Variants in ZNF678 observed in about 807,000 individuals in gnomAD.
ZNF678 encodes the protein zinc finger protein 678.
In ZNF678, 5 loss-of-function variants were observed where a neutral mutation model predicts 3.0. That is an observed-to-expected ratio of 1.69 (90% CI 0.88 to 3.56). The LOEUF (loss-of-function observed/expected upper bound fraction) is 3.56, where lower values mean the gene tolerates loss of function less well. ZNF678 is among the 30% of genes most tolerant of loss of function. The pLI is 0.00. For missense variants in ZNF678, 593 were observed against 605.0 expected (o/e 0.98, Z 0.21); for synonymous variants, 218 against 199.6 (o/e 1.09, Z -0.78).
chr1:227,626,330 A>C (rs980124143), intron 1 of ZNF678, among the ~76,000 whole-genome samples: 2 of 152,164 alleles, frequency 1.3e-5, no homozygotes, highest in African/African-American at 4.8e-5. Flanking sequence ...TGATGTATCC[A>C]AGATTCTACT....
rs1361737169 is a variant in ZNF678 at position 227,654,945 on chromosome 1, C to G, written c.695C>G (p.Thr232Ser). The G allele has an allele frequency of 1.9e-6, 3 of 1,612,618 alleles. No individual in the cohort carries two copies. Among genetic ancestry groups the G allele is most frequent in the Non-Finnish European group, 2.5e-6 (3 of 1,179,454 alleles). ...SNLTQHKRIH[T>S]GEKPYKCKEC... ...CTTACACAACATAAGAGAATTCATA[C>G]TGGAGAGAAACCCTACAAATGCAAA... Residue 232 changes from threonine to serine, a missense_variant, in exon 4 of 4, where the codon ACT becomes AGT. Physicochemically the swap from Thr to Ser is moderately conservative, Grantham distance 58. Coordinates refer to ENST00000343776, the MANE Select transcript of ZNF678 (RefSeq NM_001367909.1).
At chr1:227,620,437 TAC>T (rs1168846677) in intron 1 of ZNF678, among the ~76,000 whole-genome samples, 1 of 152,230 alleles carries the variant, frequency 6.6e-6, no homozygotes, top group African/African-American at 2.4e-5. Context: ...TCACCCAGTG[TAC>T]TCACCCTTTT....
intron 1 of ZNF678, among the ~76,000 whole-genome samples, chr1:227,628,119 A>G (rs1024091938): frequency 1.3e-5 from 2 of 152,180 alleles, no homozygotes; most frequent in African/African-American, 4.8e-5. Flanking sequence ...CCACACAGTA[A>G]GATCTCTTCC....
At chr1:227,646,341 A>G (rs1658954322) in intron 1 of ZNF678, among the ~76,000 whole-genome samples, 1 of 152,170 alleles carries the variant, frequency 6.6e-6, no homozygotes, top group South Asian at 2.1e-4. Flanking sequence ...AAAATATAGC[A>G]TCTACACTGG....
At chr1:227,650,581 C>T (rs974164742) in intron 2 of ZNF678, among the ~76,000 whole-genome samples, 5 of 152,108 alleles carry the variant, frequency 3.3e-5, no homozygotes, top group African/African-American at 9.7e-5. Flanking sequence ...GATAATATGA[C>T]ACTTTACAAT....
At chr1:227,563,825 G>T in intron 1 of ZNF678, 101 bp downstream of exon 1, 1 of 1,140,992 alleles carries the variant, frequency 8.8e-7, no homozygotes. Context: ...TGTGGGATCT[G>T]TCACCTCTGG....
downstream of ZNF678, among the ~76,000 whole-genome samples, chr1:227,677,851 A>G (rs1249130810): frequency 6.6e-6 from 1 of 152,250 alleles, no homozygotes; most frequent in East Asian, 1.9e-4. Context: ...CCCTTAAAGA[A>G]TAAACTACAT....
At chr1:227,647,414 G>C (rs1658986297) in intron 2 of ZNF678, among the ~76,000 whole-genome samples, 1 of 152,152 alleles carries the variant, frequency 6.6e-6, no homozygotes, top group African/African-American at 2.4e-5. Context: ...GAGCATGCCA[G>C]CAAGAGTCAT....
chr1:227,650,846 T>G lies in ZNF678; in HGVS notation c.-36-110T>G. 4 of 754,992 alleles carry G rather than the reference T, an allele frequency of 5.3e-6. No homozygotes were observed. The Admixed American group carries it at 1.1e-4, about 20-fold the overall frequency. The allele number at this position is 754,992 out of a possible 1,614,324, so 46.8% of individuals were successfully genotyped here. ...ACTGAGATTTTTGATTTATTTGTTA[T>G]GGCTTTCTACATATAAGATAATGTC... On this transcript the variant is annotated intron_variant, in intron 2 of 3. Transcript: ENST00000343776.
chr1:227,666,806 A>AGGATCTT (rs1659511152), downstream of ZNF678, among the ~76,000 whole-genome samples: 1 of 138,198 alleles, frequency 7.2e-6, no homozygotes, highest in Admixed American at 7.8e-5. Flanking sequence ...GTGCAATGGC[A>AGGATCTT]GGATCTTGGC....
At chr1:227,594,693 A>C (rs1400602647) in intron 1 of ZNF678, among the ~76,000 whole-genome samples, 1 of 152,210 alleles carries the variant, frequency 6.6e-6, no homozygotes, top group Non-Finnish European at 1.5e-5. Flanking sequence ...GTTTTTCTAT[A>C]ACATTTTCCT....
At chr1:227,618,565 C>G (rs1460045456) in intron 1 of ZNF678, among the ~76,000 whole-genome samples, 1 of 152,160 alleles carries the variant, frequency 6.6e-6, no homozygotes, top group Admixed American at 6.5e-5. Flanking sequence ...GTGGTCTCCT[C>G]TTGTGGGGAC....
At chr1:227,580,791 G>A (rs1571862698) in intron 1 of ZNF678, among the ~76,000 whole-genome samples, 1 of 152,024 alleles carries the variant, frequency 6.6e-6, no homozygotes, top group Non-Finnish European at 1.5e-5. Flanking sequence ...TTAGCCAGGC[G>A]TGGTGGTGCA....
intron 5 of ZNF678, among the ~76,000 whole-genome samples, chr1:227,667,761 G>T (rs948793069): frequency 2.0e-5 from 3 of 152,032 alleles, no homozygotes; most frequent in Non-Finnish European, 4.4e-5. Flanking sequence ...CAATTATTTT[G>T]GGAAATAAAT....
chr1:227,663,479 A>G (rs995049523), downstream of ZNF678, among the ~76,000 whole-genome samples: 2 of 152,186 alleles, frequency 1.3e-5, no homozygotes, highest in African/African-American at 4.8e-5. Context: ...TTGCAGAGAA[A>G]TGCGTAGGAT....
chr1:227,625,968 G>A (rs1008424963), intron 1 of ZNF678, among the ~76,000 whole-genome samples: 1 of 152,174 alleles, frequency 6.6e-6, no homozygotes, highest in African/African-American at 2.4e-5. Flanking sequence ...GCATATGGGT[G>A]TGGGTGGTGA....
chr1:227,639,857 G>A (rs1159772260), intron 1 of ZNF678, among the ~76,000 whole-genome samples: 1 of 152,170 alleles, frequency 6.6e-6, no homozygotes, highest in Non-Finnish European at 1.5e-5. Flanking sequence ...AGGTTACTTC[G>A]TAAGACTGGG....
chr1:227,631,750 G>A (rs1658551850), intron 1 of ZNF678, among the ~76,000 whole-genome samples: 1 of 152,194 alleles, frequency 6.6e-6, no homozygotes, highest in Non-Finnish European at 1.5e-5. Context: ...TGGTTTTTAT[G>A]TGCTAAAGTC....
At chr1:227,619,741 G>A (rs1016037360) in intron 1 of ZNF678, among the ~76,000 whole-genome samples, 1 of 151,924 alleles carries the variant, frequency 6.6e-6, no homozygotes, top group Non-Finnish European at 1.5e-5. Flanking sequence ...TCGATCTCTT[G>A]ACCTCATGAT....
Sources: gnomAD v4.1 joint callset for allele counts (sites outside exome capture counted in the v4.1 genomes callset) on GRCh38, gnomAD v4.1.1 for gene constraint, MANE v1.5 for transcripts, NCBI Gene and HGNC (gene_info 2026-07-23, HGNC 2026-07-21) for gene names.